DNAAF1: variants seen among roughly 807,000 people sequenced by gnomAD.
DNAAF1 encodes the protein dynein axonemal assembly factor 1.
Under a neutral mutation model 71.1 loss-of-function variants are expected in DNAAF1, and 65 were observed. The ratio of observed to expected loss-of-function variants is 0.91; its 90% CI spans 0.75 to 1.12. DNAAF1 has a LOEUF of 1.12. Among genes scored for constraint, DNAAF1 ranks in the 50% most tolerant of loss-of-function variants. The pLI is 0.00. For synonymous variants in DNAAF1, 414 were observed against 354.6 expected (o/e 1.17, Z -1.88); for missense variants, 1,178 against 899.8 (o/e 1.31, Z -3.96).
At chr16:84,164,338 A>G (rs569206711) in intron 6 of DNAAF1, among the ~76,000 whole-genome samples, 1 of 152,210 alleles carries the variant, frequency 6.6e-6, no homozygotes, top group Non-Finnish European at 1.5e-5. Flanking sequence ...GGACAAAGGT[A>G]TCATGTCCTG....
chr16:84,149,125 G>A lies in DNAAF1; in HGVS notation c.243G>A (p.Arg81=), dbSNP rs1253104306. The A allele has an allele frequency of 6.2e-7, 1 of 1,614,092 alleles. No homozygotes were observed. The highest frequency in any genetic ancestry group is 8.5e-7 in the Non-Finnish European group (1 of 1,180,032). Residue 81 remains arginine, a synonymous_variant, in exon 2 of 12, where the codon AGG becomes AGA. Transcript: ENST00000378553. ...ACTTCGCACACCCAAGAGAAGACAGGGAAGATCGGGGCCCCAGGTATGTGG... is the reference window on the plus strand; with the variant it reads ...ACTTCGCACACCCAAGAGAAGACAGAGAAGATCGGGGCCCCAGGTATGTGG... ...GGHFAHPRED[R]EDRGPRMTKS...
intron 7 of DNAAF1, 103 bp from the exon 8 acceptor site, chr16:84,169,756 T>C: frequency 6.5e-7 from 1 of 1,538,650 alleles, no homozygotes; most frequent in Non-Finnish European, 9.0e-7. Flanking sequence ...TTCCTGACCT[T>C]TTCCCTGGTC....
At position 84,169,881 on chromosome 16, in the gene DNAAF1, T is replaced by G; in HGVS notation, c.1053T>G (p.Asp351Glu). Residue 351 changes from aspartate to glutamate, a missense_variant, in exon 8 of 12, where the codon GAT becomes GAG. Asp to Glu is a conservative substitution (Grantham distance 45, BLOSUM62 2). Transcript: ENST00000378553. ...TAGGGGAGATGACATCTTCAGATGA[T>G]GGTGAGAATGTGCCCGCCAGTGCGG... ...QERGEMTSSD[D>E]GENVPASAEG... The G allele has an allele frequency of 6.2e-7, 1 of 1,613,958 alleles. No homozygotes were observed. Among genetic ancestry groups the G allele is most frequent in the Middle Eastern group, 1.7e-4 (1 of 5,866 alleles).
intron 7 of DNAAF1, among the ~76,000 whole-genome samples, chr16:84,167,825 G>C (rs9972657): frequency 1.3e-3 from 191 of 152,212 alleles, no homozygotes; most frequent in African/African-American, 4.5e-3. Flanking sequence ...AGACCAGCCT[G>C]AACAACATGG....
intron 2 of DNAAF1, 66 bp downstream of exon 2, chr16:84,149,208 T>C: frequency 6.3e-7 from 1 of 1,588,410 alleles, no homozygotes; most frequent in Non-Finnish European, 8.6e-7. Context: ...ATCACCCCCT[T>C]GTACGGATAA....
In DNAAF1 at chr16:84,159,746, A is replaced by C; in HGVS notation, c.813A>C (p.Arg271=). Residue 271 remains arginine (R), a synonymous_variant, in exon 6 of 12, where the codon CGA becomes CGC. Coordinates refer to ENST00000378553, the MANE Select transcript of DNAAF1 (RefSeq NM_178452.6). ...IPNYRRTVTV[R]LKHLTYLDDR... is the part of the protein sequence containing the mutation. ...ATTACAGAAGGACAGTCACTGTACG[A>C]CTAAAGCACTTAACATACCTGGATG... The C allele has an allele frequency of 2.5e-6, 4 of 1,614,068 alleles. No homozygotes were observed. Among genetic ancestry groups the C allele is most frequent in the Admixed American group, 1.7e-5 (1 of 60,020 alleles).
chr16:84,159,847 ATGCTTAATATTAAACTT>A (rs1462879087), intron 6 of DNAAF1, 51 bp downstream of exon 6: 1 of 1,600,378 alleles, frequency 6.2e-7, no homozygotes, highest in African/African-American at 1.3e-5. Context: ...GTAGTTGACC[ATGCTTAATATTAAACTT>A]TTTAAATTTC....
In DNAAF1 at chr16:84,147,893, C is replaced by T. The variant is rs554485466; in HGVS notation, c.125-1114C>T. Among the ~76,000 whole-genome samples, 3 of 152,144 alleles carry T rather than the reference C, an allele frequency of 2.0e-5. No homozygotes were observed. The East Asian group carries it at 5.8e-4, about 29-fold the overall frequency. On this transcript the variant is annotated intron_variant, in intron 1 of 11. Transcript: ENST00000378553. ...ACAGCCTGGCCAACATGGGGAAACC[C>T]CGTCTCTACTAAAAATACAAAAAAA... is the stretch of plus-strand genomic sequence containing the variant.
At chr16:84,172,772 A>T in intron 9 of DNAAF1, 1 of 1,112,078 alleles carries the variant, frequency 9.0e-7, no homozygotes, top group Non-Finnish European at 1.1e-6. Flanking sequence ...TTGTATCTTT[A>T]TACATTGTAT....
rs765676142 is a variant in DNAAF1, at chr16:84,148,596, CT to C, written c.125-393del. Among the ~76,000 whole-genome samples, 42 of 43,572 alleles carry C rather than the reference CT, an allele frequency of 9.6e-4. 1 individual carries two copies. The East Asian group carries it at 0.011, about 12-fold the overall frequency. 28.6% of individuals were successfully genotyped at this position (43,572 alleles called of 152,430 possible). ...AAAGATTACTGTTCTCTCTCTCTCT[CT>C]TTTTTTTTTTTTTTTTTGGTGAGAC... On this transcript the variant is annotated intron_variant, in intron 1 of 11. Coordinates refer to ENST00000378553, the MANE Select transcript of DNAAF1 (RefSeq NM_178452.6).
intron 3 of DNAAF1, among the ~76,000 whole-genome samples, chr16:84,153,254 G>C (rs2087265713): frequency 6.6e-6 from 1 of 152,164 alleles, no homozygotes; most frequent in East Asian, 1.9e-4. Context: ...GGTTTGCAAG[G>C]AGGGAGAGCA....
chr16:84,174,001 T>A (rs2088521755), intron 9 of DNAAF1: 1 of 165,668 alleles, frequency 6.0e-6, no homozygotes, highest in South Asian at 1.9e-4. Flanking sequence ...TGACTTGTAT[T>A]GATTGATGTA....
At chr16:84,174,570 T>G (rs2088554054) in intron 9 of DNAAF1, 99 bp from the exon 10 acceptor site, 2 of 1,607,448 alleles carry the variant, frequency 1.2e-6, no homozygotes, top group African/African-American at 2.7e-5. Context: ...TAACTGTAAC[T>G]AAGGCTGGGT....
intron 1 of DNAAF1, among the ~76,000 whole-genome samples, chr16:84,148,054 C>A (rs1166026249): frequency 1.3e-5 from 2 of 151,594 alleles, no homozygotes; most frequent in African/African-American, 2.4e-5. Context: ...GGGGATAGAC[C>A]AAGACGGTCT....
chr16:84,150,119 C>A, intron 2 of DNAAF1, 132 bp from the exon 3 acceptor site: 1 of 677,768 alleles, frequency 1.5e-6, no homozygotes, highest in Non-Finnish European at 2.6e-6. Context: ...AAAAGACGAA[C>A]TTAAAATAGG....
chr16:84,149,217 A>G (rs2087067740), intron 2 of DNAAF1, 75 bp downstream of exon 2: 1 of 1,570,480 alleles, frequency 6.4e-7, no homozygotes. Flanking sequence ...TTGTACGGAT[A>G]ATGAAATAGA....
intron 5 of DNAAF1, among the ~76,000 whole-genome samples, chr16:84,156,259 A>G (rs2087422728): frequency 6.6e-6 from 1 of 152,196 alleles, no homozygotes; most frequent in Admixed American, 6.5e-5. Flanking sequence ...CATTGTGCCC[A>G]ACCACCACTC....
At chr16:84,174,512 G>A (rs1024479777) in intron 9 of DNAAF1, 157 bp from the exon 10 acceptor site, 10 of 1,536,412 alleles carry the variant, frequency 6.5e-6, no homozygotes, top group Non-Finnish European at 8.8e-6. Context: ...TGTATCTAGA[G>A]TTCCTTTTGG....
At chr16:84,147,904 A>G (rs1597394579) in intron 1 of DNAAF1, among the ~76,000 whole-genome samples, 2 of 152,070 alleles carry the variant, frequency 1.3e-5, no homozygotes, top group Admixed American at 6.6e-5. Flanking sequence ...CGTCTCTACT[A>G]AAAATACAAA....
Sources: gnomAD v4.1 joint callset for allele counts (sites outside exome capture counted in the v4.1 genomes callset) on GRCh38, gnomAD v4.1.1 for gene constraint, MANE v1.5 for transcripts, NCBI Gene and HGNC (gene_info 2026-07-23, HGNC 2026-07-21) for gene names.